GPR176: variants seen among roughly 807,000 people sequenced by gnomAD.
The protein encoded by GPR176 is G protein-coupled receptor 176, also known as G-protein coupled receptor 176.
In GPR176, 26 loss-of-function variants were observed where a neutral mutation model predicts 35.4. That is an observed-to-expected ratio of 0.74 (90% CI 0.54 to 1.02). GPR176 has a LOEUF of 1.02. GPR176 is among the 50% of genes least tolerant of loss of function. GPR176 has a pLI of 0.00. For missense variants in GPR176, 597 were observed against 665.3 expected, an observed-to-expected ratio of 0.90 and a Z score of 1.13; for synonymous variants, 278 against 271.3, an observed-to-expected ratio of 1.02 and a Z score of -0.24.
chr15:39,864,932 GAAAA>G (rs529480544), intron 1 of GPR176, among the ~76,000 whole-genome samples: 1 of 102,814 alleles, frequency 9.7e-6, no homozygotes, highest in East Asian at 3.0e-4. Flanking sequence ...CAGGCATGTG[GAAAA>G]AAAAAAAAAA....
intron 1 of GPR176, among the ~76,000 whole-genome samples, chr15:39,843,840 A>C (rs779297775): frequency 1.6e-4 from 25 of 152,088 alleles, no homozygotes; most frequent in Non-Finnish European, 3.5e-4. Flanking sequence ...CTTCTTTTCT[A>C]TGTGATTTTG....
chr15:39,817,530 C>T (rs1474003324), intron 1 of GPR176, among the ~76,000 whole-genome samples: 2 of 152,160 alleles, frequency 1.3e-5, no homozygotes, highest in Admixed American at 1.3e-4. Flanking sequence ...ATACAACACC[C>T]TTTAAGATAT....
At chr15:39,898,666 C>T (rs533099380) in intron 1 of GPR176, among the ~76,000 whole-genome samples, 1 of 152,176 alleles carries the variant, frequency 6.6e-6, no homozygotes, top group Non-Finnish European at 1.5e-5. Flanking sequence ...AAACAGGAGC[C>T]ATGTAGGGGA....
At chr15:39,861,494 C>T (rs1456332514) in intron 1 of GPR176, among the ~76,000 whole-genome samples, 5 of 151,418 alleles carry the variant, frequency 3.3e-5, no homozygotes, top group Non-Finnish European at 4.4e-5. Flanking sequence ...GGTTGCAGTG[C>T]GCCAAGATCA....
chr15:39,830,478 G>T (rs1900996756), intron 1 of GPR176, among the ~76,000 whole-genome samples: 1 of 152,176 alleles, frequency 6.6e-6, no homozygotes, highest in Non-Finnish European at 1.5e-5. Flanking sequence ...GGAAGACCAG[G>T]CAGACAAAAG....
intron 1 of GPR176, among the ~76,000 whole-genome samples, chr15:39,861,590 A>G (rs930649411): frequency 6.6e-6 from 1 of 152,064 alleles, no homozygotes; most frequent in African/African-American, 2.4e-5. Context: ...TGTGTCTAAG[A>G]AATTGTATCT....
Position 39,801,364 on chromosome 15 carries a change from G to A in GPR176, c.1316C>T (p.Pro439Leu), listed in dbSNP as rs1278625046. The A allele has an allele frequency of 3.1e-6, 5 of 1,614,206 alleles. No homozygotes were observed. Among genetic ancestry groups the A allele is most frequent in the Admixed American group, 3.3e-5 (2 of 60,026 alleles). Residue 439 changes from proline (P) to leucine (L), a missense_variant, in exon 3 of 3, where the codon CCT becomes CTT. Pro to Leu is a moderately conservative substitution (Grantham distance 98). This residue lies in a region of GPR176 where 251 missense variants were observed against 255.4 expected (regional missense o/e 0.98). Transcript: ENST00000561100. The part of the protein sequence containing the change: ...DSVSQVAPAA[P>L]VEPETFPDKY... ...ATCAGGGAATGTTTCAGGTTCCACAGGGGCTGCCGGTGCCACCTGGGATAC... is the reference window on the plus strand; with the variant it reads ...ATCAGGGAATGTTTCAGGTTCCACAAGGGCTGCCGGTGCCACCTGGGATAC...
Position 39,801,342 on chromosome 15 carries a change from A to G in GPR176, c.1338T>C (p.Pro446=), listed in dbSNP as rs573817271. ...AGCCAAACTGCAGGGAATACTTATC[A>G]GGGAATGTTTCAGGTTCCACAGGGG... ...PAAPVEPETF[P]DKYSLQFGFG... is the part of the protein sequence containing the mutation. The change falls in exon 3 of 3, where the codon CCT becomes CCC. Residue 446 remains proline (P), a synonymous_variant. Transcript: ENST00000561100. The G allele has an allele frequency of 3.1e-6, 5 of 1,614,136 alleles. No homozygotes were observed. In the African/African-American group the frequency reaches 6.7e-5, roughly 22 times the overall value.
At chr15:39,900,688 C>T (rs1595518774) in intron 1 of GPR176, among the ~76,000 whole-genome samples, 1 of 152,164 alleles carries the variant, frequency 6.6e-6, no homozygotes, top group African/African-American at 2.4e-5. Flanking sequence ...CAACCTTTGA[C>T]CCACCATTCC....
At chr15:39,866,576 T>C (rs973149762) in intron 1 of GPR176, among the ~76,000 whole-genome samples, 1 of 152,188 alleles carries the variant, frequency 6.6e-6, no homozygotes, top group Non-Finnish European at 1.5e-5. Context: ...CTAATTTAAG[T>C]ATATTATAGG....
chr15:39,894,173 T>G (rs1359779740), intron 1 of GPR176, among the ~76,000 whole-genome samples: 18 of 115,006 alleles, frequency 1.6e-4, no homozygotes, highest in Admixed American at 1.5e-3. Flanking sequence ...GCGGCTGGCC[T>G]GGCAGAGGGG....
At chr15:39,871,180 T>C (rs1489194812) in intron 1 of GPR176, among the ~76,000 whole-genome samples, 1 of 152,188 alleles carries the variant, frequency 6.6e-6, no homozygotes, top group Non-Finnish European at 1.5e-5. Context: ...GTCAATAAAC[T>C]ATCTGAAATT....
chr15:39,872,911 CTG>C (rs6145533), intron 1 of GPR176, among the ~76,000 whole-genome samples: 4,303 of 141,118 alleles, frequency 0.03, 54 homozygotes, highest in Non-Finnish European at 0.044. Flanking sequence ...TCCAAAATAT[CTG>C]TGTGTGTGTG....
In GPR176 at chr15:39,864,938, A is replaced by G. The variant is rs927271346; in HGVS notation, c.172+54917T>C. ...AATGGCCAGCAGGCATGTGGAAAAA[A>G]AAAAAAAACGCTCAACATTGCTAAT... On this transcript the variant is annotated intron_variant, in intron 1 of 2. Transcript: ENST00000561100. Among the ~76,000 whole-genome samples the G allele has an allele frequency of 3.3e-5, 5 of 152,054 alleles. 1 individual carries two copies. Among genetic ancestry groups the G allele is most frequent in the East Asian group, 1.9e-4 (1 of 5,192 alleles).
chr15:39,900,233 A>G (rs2033237034), intron 1 of GPR176, among the ~76,000 whole-genome samples: 1 of 152,094 alleles, frequency 6.6e-6, no homozygotes, highest in African/African-American at 2.4e-5. Context: ...GTTTAAAAAA[A>G]AAAAAAAGAA....
chr15:39,897,714 C>T (rs1291499574), intron 1 of GPR176, among the ~76,000 whole-genome samples: 2 of 149,678 alleles, frequency 1.3e-5, no homozygotes, highest in Non-Finnish European at 3.0e-5. Flanking sequence ...CCCGGGTTCA[C>T]GCCATTCTCC....
chr15:39,804,530 AG>A (rs2140778234), intron 2 of GPR176, among the ~76,000 whole-genome samples: 1 of 152,280 alleles, frequency 6.6e-6, no homozygotes, highest in East Asian at 1.9e-4. Flanking sequence ...CCAAGGCCCC[AG>A]AAGTAACCCA....
chr15:39,864,269 T>G (rs1167666271), intron 1 of GPR176, among the ~76,000 whole-genome samples: 1 of 152,106 alleles, frequency 6.6e-6, no homozygotes, highest in Non-Finnish European at 1.5e-5. Flanking sequence ...GGTTGAAAGT[T>G]TAACAGATCA....
chr15:39,908,812 T>C (rs1322595023), intron 1 of GPR176, among the ~76,000 whole-genome samples: 1 of 152,154 alleles, frequency 6.6e-6, no homozygotes, highest in African/African-American at 2.4e-5. Context: ...ATCAAGGACG[T>C]TGATTGATTT....
Sources: allele counts gnomAD v4.1 joint callset (sites outside exome capture counted in the v4.1 genomes callset), GRCh38; gene constraint gnomAD v4.1.1; regional missense constraint gnomAD v4.1.1; transcripts MANE v1.5; gene names NCBI Gene and HGNC (gene_info 2026-07-23, HGNC 2026-07-21).